Variants in B3GAT1 observed in about 807,000 individuals in gnomAD.
B3GAT1 encodes the protein beta-1,3-glucuronyltransferase 1.
B3GAT1 carries 11 observed loss-of-function variants against 28.4 expected under a neutral mutation model. The ratio of observed to expected loss-of-function variants is 0.39; its 90% CI spans 0.24 to 0.64. B3GAT1 has a LOEUF of 0.64. B3GAT1 is among the 30% of genes least tolerant of loss of function. The pLI, the probability that B3GAT1 is intolerant of heterozygous loss-of-function variation, is 0.50. For synonymous variants in B3GAT1, 255 were observed against 223.1 expected (o/e 1.14, Z -1.27); for missense variants, 375 against 491.0 (o/e 0.76, Z 2.23).
At chr11:134,403,000 A>G (rs1437189813) in intron 1 of B3GAT1, among the ~76,000 whole-genome samples, 1 of 151,908 alleles carries the variant, frequency 6.6e-6, no homozygotes, top group African/African-American at 2.4e-5. Context: ...TGTGTGCCCT[A>G]CACAGCAGAG....
intron 1 of B3GAT1, among the ~76,000 whole-genome samples, chr11:134,398,345 C>T (rs970949665): frequency 6.6e-6 from 1 of 152,154 alleles, no homozygotes; most frequent in African/African-American, 2.4e-5. Context: ...CCTTGGCACC[C>T]AGTGGCTTCG....
chr11:134,399,974 C>T (rs1944578257), intron 1 of B3GAT1, among the ~76,000 whole-genome samples: 1 of 152,134 alleles, frequency 6.6e-6, no homozygotes, highest in South Asian at 2.1e-4. Flanking sequence ...TGGGGACATC[C>T]CAGAGGGAGG....
intron 1 of B3GAT1, chr11:134,409,595 C>A (rs577284446): frequency 6.6e-6 from 1 of 152,454 alleles, no homozygotes; most frequent in East Asian, 1.9e-4. Context: ...CAGGAAAGCA[C>A]CTTCCTCAGT....
chr11:134,397,787 T>C (rs918044140), intron 1 of B3GAT1, among the ~76,000 whole-genome samples: 3 of 152,258 alleles, frequency 2.0e-5, no homozygotes, highest in African/African-American at 4.8e-5. Context: ...TGGGCCTCCA[T>C]GCCCTGCCTG....
In B3GAT1 at chr11:134,412,140, G is replaced by GGGGGCGAGA. The variant is rs1166253829; in HGVS notation, c.-624_-616dup. Among the ~76,000 whole-genome samples, 2 of 144,418 alleles carry GGGGGCGAGA rather than the reference G, an allele frequency of 1.4e-5. No homozygotes were observed. Among genetic ancestry groups the GGGGGCGAGA allele is most frequent in the Non-Finnish European group, 1.5e-5 (1 of 64,994 alleles). 94.7% of individuals were successfully genotyped at this position (144,418 alleles called of 152,430 possible). A position where few individuals can be genotyped will look rare whatever the true frequency, so the allele number is the denominator to read the frequency against. On this transcript the variant is annotated 5_prime_UTR_variant, in exon 1 of 6. Transcript: ENST00000312527. Reference sequence around the variant, plus strand: ...GGGAGGGGGAGCGGGGAGCGGGCGCGGGGGCGAGAGGGGCGAGGGGGGCGC... The same window carrying GGGGGCGAGA: ...GGGAGGGGGAGCGGGGAGCGGGCGCGGGGGCGAGAGGGGCGAGAGGGGCGAGGGGGGCGC...
At chr11:134,402,182 G>A (rs1048754345) in intron 1 of B3GAT1, among the ~76,000 whole-genome samples, 4 of 152,164 alleles carry the variant, frequency 2.6e-5, no homozygotes, top group African/African-American at 9.7e-5. Context: ...GCTTCTTCAG[G>A]TGGGGAGACT....
At chr11:134,405,737 G>A (rs1944719071) in intron 1 of B3GAT1, among the ~76,000 whole-genome samples, 1 of 150,234 alleles carries the variant, frequency 6.7e-6, no homozygotes, top group Admixed American at 6.6e-5. Context: ...CCCCTAGACA[G>A]GAGCAGGGCT....
chr11:134,398,766 C>T (rs909711161), intron 1 of B3GAT1, among the ~76,000 whole-genome samples: 37 of 152,236 alleles, frequency 2.4e-4, no homozygotes, highest in Middle Eastern at 3.4e-3. Context: ...AGCTGGCCCC[C>T]GGCCTCTGGG....
chr11:134,382,641 A>G (rs1565448088), intron 4 of B3GAT1, 69 bp downstream of exon 4: 1 of 1,542,660 alleles, frequency 6.5e-7, no homozygotes, highest in Non-Finnish European at 8.8e-7. Flanking sequence ...CCTTCTCCCG[A>G]TCTGTAGGGA....
At chr11:134,381,589 G>A (rs534668063) in intron 5 of B3GAT1, 56 of 266,040 alleles carry the variant, frequency 2.1e-4, no homozygotes, top group Middle Eastern at 1.3e-3. Context: ...GGCAGACTTG[G>A]GGGGACAGAC....
intron 1 of B3GAT1, among the ~76,000 whole-genome samples, chr11:134,406,151 A>G (rs1052514084): frequency 3.3e-5 from 5 of 152,030 alleles, no homozygotes; most frequent in African/African-American, 1.2e-4. Flanking sequence ...TGCTCCCTCC[A>G]CTAAGCCCAC....
rs541906230 is a variant in B3GAT1 at position 134,394,309 on chromosome 11, C to G, written c.-281-6369G>C. On this transcript the variant is annotated intron_variant, in intron 1 of 5. Transcript: ENST00000312527. The stretch of plus-strand genomic sequence containing the variant: ...CATGAGGCAGACACACAGATCTCGT[C>G]CCCATTTTGCATGTGAGGACACCAA... 2.0e-5 allele frequency among the ~76,000 whole-genome samples: 3 copies of G among 152,368 alleles called. No homozygotes were observed. The South Asian group carries it at 6.2e-4, about 32-fold the overall frequency.
In B3GAT1 at chr11:134,403,979, TTCTTTATATATATATATATATA is replaced by T. The variant is rs1195237280; in HGVS notation, c.-282+7806_-282+7827del. On this transcript the variant is annotated intron_variant, in intron 1 of 5. Coordinates refer to ENST00000312527, the MANE Select transcript of B3GAT1 (RefSeq NM_054025.3). The stretch of plus-strand genomic sequence containing the variant: ...GTCATTTAACGGGTACAGAGTTTCT[TTCTTTATATATATATATATATA>T]TATATATATATATATATATATATAT... 3.4e-4 allele frequency among the ~76,000 whole-genome samples: 33 copies of T among 96,980 alleles called. 2 individuals carry two copies. The highest frequency in any genetic ancestry group is 1.4e-3 in the African/African-American group (33 of 24,068). The allele number at this position is 96,980 out of a possible 152,430, so 63.6% of individuals were successfully genotyped here. A position where few individuals can be genotyped will look rare whatever the true frequency, so the allele number is the denominator to read the frequency against.
intron 1 of B3GAT1, among the ~76,000 whole-genome samples, chr11:134,398,388 G>C (rs1450950295): frequency 6.6e-6 from 1 of 152,180 alleles, no homozygotes; most frequent in Non-Finnish European, 1.5e-5. Flanking sequence ...GAGGCCAAGA[G>C]GCCAGTTCTA....
At chr11:134,405,643 C>A (rs11823050) in intron 1 of B3GAT1, among the ~76,000 whole-genome samples, 7,150 of 152,312 alleles carry the variant, frequency 0.047, 563 homozygotes, top group African/African-American at 0.16. Flanking sequence ...CAGCCCCACA[C>A]ATCTGCCTGC....
Position 134,382,801 on chromosome 11 carries a change from C to G in B3GAT1, c.827G>C (p.Arg276Pro). 1 of 1,614,222 alleles carries G rather than the reference C, an allele frequency of 6.2e-7. No individual in the cohort carries two copies. The highest frequency in any genetic ancestry group is 8.5e-7 in the Non-Finnish European group (1 of 1,180,036). Residue 276 changes from arginine (R) to proline (P), a missense_variant, in exon 4 of 6, where the codon CGA (arginine) becomes CCA (proline). By Grantham distance (103) the Arg-to-Pro change is moderately radical. Coordinates refer to ENST00000312527, the MANE Select transcript of B3GAT1 (RefSeq NM_054025.3). ...LQRSQAYFKLRGVKGGYQESS... is the reference protein window; with the variant it reads ...LQRSQAYFKLPGVKGGYQESS... ...TTCCTGGTAGCCTCCCTTCACACCT[C>G]GCAGCTTGAAGTAGGCCTGGCTTCG... is the stretch of plus-strand genomic sequence containing the variant.
At position 134,397,159 on chromosome 11, in the gene B3GAT1, G is replaced by A. The variant is rs367987479; in HGVS notation, c.-281-9219C>T. Among the ~76,000 whole-genome samples, 34 of 152,262 alleles carry A rather than the reference G, an allele frequency of 2.2e-4. 1 individual carries two copies. The East Asian group carries it at 6.2e-3, about 28-fold the overall frequency. On this transcript the variant is annotated intron_variant, in intron 1 of 5. Coordinates refer to ENST00000312527, the MANE Select transcript of B3GAT1 (RefSeq NM_054025.3). ...CCTTCCACTGCTGCCCCGGCCTAGG[G>A]CTCCATCCCCTAATCCTGGGCCAGG...
At chr11:134,405,423 ACT>A (rs1315400498) in intron 1 of B3GAT1, among the ~76,000 whole-genome samples, 1 of 151,986 alleles carries the variant, frequency 6.6e-6, no homozygotes, top group Non-Finnish European at 1.5e-5. Flanking sequence ...GCGTAGACAC[ACT>A]CTGGCAGGCT....
rs1437818366 is a variant in B3GAT1 at position 134,383,918 on chromosome 11, G to A, written c.383C>T (p.Pro128Leu). 5.0e-6 allele frequency: 8 copies of A among 1,595,980 alleles called. No homozygotes were observed. The highest frequency in any genetic ancestry group is 6.8e-6 in the Non-Finnish European group (8 of 1,176,068). The change falls in exon 3 of 6, where the codon CCG (proline) becomes CTG (leucine). Residue 128 changes from proline (P) to leucine (L), a missense_variant. By Grantham distance (98) the Pro-to-Leu change is moderately conservative. Coordinates refer to ENST00000312527, the MANE Select transcript of B3GAT1 (RefSeq NM_054025.3). ...GTCGCGCAGCAGGCGCGCGGTCAGC[G>A]GCGTCCGGCGCGGCGCATCCTCCAC... The part of the protein sequence containing the change: ...LVVEDAPRRT[P>L]LTARLLRDTG...
Sources: allele counts gnomAD v4.1 joint callset (sites outside exome capture counted in the v4.1 genomes callset), GRCh38; gene constraint gnomAD v4.1.1; transcripts MANE v1.5; gene names NCBI Gene and HGNC (gene_info 2026-07-23, HGNC 2026-07-21).